Variants in NEGR1 observed in about 807,000 individuals in gnomAD.
NEGR1 encodes the protein neuronal growth regulator 1.
A neutral mutation model predicts 40.9 loss-of-function variants in NEGR1; 10 were observed. That is an observed-to-expected ratio of 0.24 (90% CI 0.15 to 0.42). NEGR1 has a LOEUF of 0.42. Among genes scored for constraint, NEGR1 ranks in the 10% least tolerant of loss-of-function variants. NEGR1 has a pLI of 1.00. For synonymous variants in NEGR1, 185 were observed against 166.8 expected, an observed-to-expected ratio of 1.11 and a Z score of -0.84; for missense variants, 352 against 438.9, an observed-to-expected ratio of 0.80 and a Z score of 1.77.
chr1:71,966,000 C>A (rs1166971125), intron 1 of NEGR1, among the ~76,000 whole-genome samples: 2 of 152,140 alleles, frequency 1.3e-5, no homozygotes, highest in Non-Finnish European at 2.9e-5. Flanking sequence ...TCTGTTGATT[C>A]ATTCACTAAT....
chr1:71,793,774 C>T (rs1046589484), intron 2 of NEGR1, among the ~76,000 whole-genome samples: 1 of 151,862 alleles, frequency 6.6e-6, no homozygotes, highest in Non-Finnish European at 1.5e-5. Context: ...AAATTTAATA[C>T]ATCAATACAG....
chr1:72,101,063 A>G (rs1280574476), intron 1 of NEGR1: 2 of 152,170 alleles, frequency 1.3e-5, no homozygotes, highest in African/African-American at 4.8e-5. Flanking sequence ...TCCATTTACC[A>G]TTACACTGGG....
intron 1 of NEGR1, among the ~76,000 whole-genome samples, chr1:72,023,261 G>C (rs973125696): frequency 2.6e-5 from 4 of 152,052 alleles, no homozygotes; most frequent in Non-Finnish European, 5.9e-5. Context: ...GATTGTGGTG[G>C]TATCGTACCC....
At chr1:71,634,617 T>A (rs1005533543) in intron 4 of NEGR1, among the ~76,000 whole-genome samples, 19 of 152,142 alleles carry the variant, frequency 1.2e-4, no homozygotes, top group Admixed American at 6.6e-5. Flanking sequence ...CTTTTATGTC[T>A]TGAATTGATT....
At chr1:72,135,838 A>G (rs902679061) in intron 1 of NEGR1, among the ~76,000 whole-genome samples, 1 of 152,214 alleles carries the variant, frequency 6.6e-6, no homozygotes, top group Non-Finnish European at 1.5e-5. Flanking sequence ...TCTACATGCA[A>G]TAGAGTGACT....
intron 1 of NEGR1, among the ~76,000 whole-genome samples, chr1:72,070,901 T>C (rs1294715912): frequency 6.6e-6 from 1 of 152,080 alleles, no homozygotes; most frequent in Non-Finnish European, 1.5e-5. Flanking sequence ...TTATGCTATC[T>C]CTACCTTTAG....
At chr1:72,054,225 T>C (rs1647088888) in intron 1 of NEGR1, among the ~76,000 whole-genome samples, 3 of 151,328 alleles carry the variant, frequency 2.0e-5, no homozygotes, top group Admixed American at 1.3e-4. Flanking sequence ...CAGAAATCCT[T>C]CAGCATGCAG....
chr1:71,994,699 G>A (rs1233670127), intron 1 of NEGR1, among the ~76,000 whole-genome samples: 1 of 152,016 alleles, frequency 6.6e-6, no homozygotes, highest in Non-Finnish European at 1.5e-5. Context: ...CCTCTTGGAG[G>A]GAAGAAAAGG....
chr1:71,980,610 A>G (rs1646346267), intron 1 of NEGR1, among the ~76,000 whole-genome samples: 2 of 152,150 alleles, frequency 1.3e-5, no homozygotes, highest in African/African-American at 4.8e-5. Context: ...ATGTAACCAG[A>G]TCCACCTTTC....
At chr1:71,879,781 G>A (rs1266215133) in intron 2 of NEGR1, among the ~76,000 whole-genome samples, 1 of 152,000 alleles carries the variant, frequency 6.6e-6, no homozygotes, top group African/African-American at 2.4e-5. Context: ...TTTCCTCTAT[G>A]TTCAGATGGA....
chr1:71,806,818 T>C (rs990196322), intron 2 of NEGR1, among the ~76,000 whole-genome samples: 11 of 151,614 alleles, frequency 7.3e-5, no homozygotes, highest in Non-Finnish European at 1.5e-4. Context: ...TTGGAACTAA[T>C]AAGTTTTAAT....
intron 2 of NEGR1, among the ~76,000 whole-genome samples, chr1:71,819,510 A>G (rs1658349616): frequency 6.6e-6 from 1 of 151,990 alleles, no homozygotes. Flanking sequence ...CTTGGAAATT[A>G]AGCAAGTATT....
intron 6 of NEGR1, among the ~76,000 whole-genome samples, chr1:71,473,588 T>A (rs992651910): frequency 6.6e-6 from 1 of 152,128 alleles, no homozygotes; most frequent in African/African-American, 2.4e-5. Context: ...CAGACCTCTA[T>A]GCAGTATAAA....
intron 6 of NEGR1, among the ~76,000 whole-genome samples, chr1:71,570,794 C>T (rs1648786426): frequency 6.6e-6 from 1 of 152,048 alleles, no homozygotes; most frequent in African/African-American, 2.4e-5. Flanking sequence ...AGAAAATTAA[C>T]ATAAGTTTTA....
chr1:71,747,435 T>A (rs1228685276), intron 3 of NEGR1, among the ~76,000 whole-genome samples: 1 of 151,948 alleles, frequency 6.6e-6, no homozygotes, highest in African/African-American at 2.4e-5. Flanking sequence ...ATCTTTTTTT[T>A]TTTTTTTCAG....
intron 1 of NEGR1, among the ~76,000 whole-genome samples, chr1:72,241,535 A>C (rs2100514774): frequency 6.6e-6 from 1 of 151,740 alleles, no homozygotes; most frequent in Admixed American, 6.6e-5. Flanking sequence ...TTTTGTAAAA[A>C]GTATGCAACA....
intron 1 of NEGR1, among the ~76,000 whole-genome samples, chr1:72,084,688 C>T (rs1347706502): frequency 2.6e-5 from 4 of 151,988 alleles, no homozygotes; most frequent in Non-Finnish European, 5.9e-5. Context: ...AAAATGTTTA[C>T]TGTGGTTCTA....
chr1:71,675,126 T>TATATATATATATATATACACAC lies in NEGR1; in HGVS notation c.667+22881_667+22882insGTGTGTATATATATATATATAT, dbSNP rs145354058. Among the ~76,000 whole-genome samples, 43 of 77,792 alleles carry TATATATATATATATATACACAC rather than the reference T, an allele frequency of 5.5e-4. 2 individuals are homozygous for TATATATATATATATATACACAC. The highest frequency in any genetic ancestry group is 2.1e-3 in the East Asian group (5 of 2,438). 51.0% of individuals were successfully genotyped at this position (77,792 alleles called of 152,430 possible). A position where few individuals can be genotyped will look rare whatever the true frequency, so the allele number is the denominator to read the frequency against. The stretch of plus-strand genomic sequence containing the variant: ...GCATGTTTATTCATATATATATATA[T>TATATATATATATATATACACAC]ACACACACACATATGAATTCTTAGA... On this transcript the variant is annotated intron_variant, in intron 4 of 6. Transcript: ENST00000357731.
intron 2 of NEGR1, among the ~76,000 whole-genome samples, chr1:71,912,537 T>G (rs1374530345): frequency 6.6e-6 from 1 of 152,230 alleles, no homozygotes; most frequent in East Asian, 1.9e-4. Flanking sequence ...ACCATTATTC[T>G]GTCTACTACA....
Sources: gnomAD v4.1 joint callset for allele counts (sites outside exome capture counted in the v4.1 genomes callset) on GRCh38, gnomAD v4.1.1 for gene constraint, MANE v1.5 for transcripts, NCBI Gene and HGNC (gene_info 2026-07-23, HGNC 2026-07-21) for gene names.